Variants in CIB2 observed in about 807,000 individuals in gnomAD.
The protein encoded by CIB2 is calcium and integrin-binding family member 2.
In CIB2, 19 loss-of-function variants were observed where a neutral mutation model predicts 23.1. The observed-to-expected ratio is 0.82, with a 90% confidence interval of 0.57 to 1.21. CIB2 has a LOEUF of 1.21. CIB2 is among the 50% of genes most tolerant of loss of function. CIB2 has a pLI of 0.00. For synonymous variants in CIB2, 94 were observed against 91.7 expected, an observed-to-expected ratio of 1.03 and a Z score of -0.14; for missense variants, 220 against 241.5, an observed-to-expected ratio of 0.91 and a Z score of 0.59.
chr15:78,123,857 A>C, intron 1 of CIB2, 118 bp from the exon 2 acceptor site: 1 of 1,141,580 alleles, frequency 8.8e-7, no homozygotes, highest in Admixed American at 1.8e-5. Flanking sequence ...CAGAAGAGTC[A>C]CTACTATCCC....
rs552562074 is a variant in CIB2, at chr15:78,112,248, C to T, written c.87-972G>A. Among the ~76,000 whole-genome samples, 8 of 152,264 alleles carry T rather than the reference C, an allele frequency of 5.3e-5. No individual in the cohort carries two copies. The East Asian group carries it at 1.4e-3, about 26-fold the overall frequency. On this transcript the variant is annotated intron_variant, in intron 2 of 5. Transcript: ENST00000258930. ...TCATCCCAGAGAATAGCCCCCCATC[C>T]CAAGACAGGTACAAATTGTATTTAG...
intron 4 of CIB2, among the ~76,000 whole-genome samples, chr15:78,106,957 G>A (rs1257469058): frequency 3.9e-5 from 6 of 152,116 alleles, no homozygotes; most frequent in East Asian, 1.9e-4. Flanking sequence ...GGCCAGGCGC[G>A]GTGGTTCACG....
At chr15:78,109,808 A>AG (rs959009428) in intron 3 of CIB2, among the ~76,000 whole-genome samples, 4 of 47,796 alleles carry the variant, frequency 8.4e-5, no homozygotes. Flanking sequence ...CCATGTCTCC[A>AG]AAAAAAAAAA....
At position 78,114,333 on chromosome 15, in the gene CIB2, AAGG is replaced by A. The variant is rs199769079; in HGVS notation, c.87-3060_87-3058del. 1.3e-3 allele frequency among the ~76,000 whole-genome samples: 200 copies of A among 152,346 alleles called. 1 individual carries two copies. The highest frequency in any genetic ancestry group is 3.5e-3 in the East Asian group (18 of 5,190). On this transcript the variant is annotated intron_variant, in intron 2 of 5. Transcript: ENST00000258930. ...GGAATTTTTCTTTAAAGAAAAATCC[AAGG>A]AGAATTTGAAAACCCAAATCACTGT...
At chr15:78,128,614 C>T (rs2074412329) in intron 1 of CIB2, among the ~76,000 whole-genome samples, 2 of 151,212 alleles carry the variant, frequency 1.3e-5, no homozygotes, top group African/African-American at 4.9e-5. Context: ...GGAGGCGGAG[C>T]TGGGATGCGG....
chr15:78,105,357 A>G (rs2074050452), intron 5 of CIB2, 25 bp from the exon 6 acceptor site: 2 of 1,613,642 alleles, frequency 1.2e-6, no homozygotes, highest in Non-Finnish European at 1.7e-6. Context: ...AGGGCAAGAG[A>G]GGGTGAGAGG....
rs117153558 is a variant in CIB2 at position 78,105,819 on chromosome 15, C to T, written c.462G>A (p.Glu154=). Residue 154 remains glutamate (E), a synonymous_variant, in exon 5 of 6, where the codon GAG becomes GAA. Coordinates refer to ENST00000258930, the MANE Select transcript of CIB2 (RefSeq NM_006383.4). The part of the protein sequence containing the change: ...EVVLVCDKVI[E]EADLDGDGKL... Reference sequence around the variant, plus strand: ...TGCCGTCACCGTCCAAGTCAGCCTCCTCAATGACCTTGTCGCACACAAGCA... The same window carrying T: ...TGCCGTCACCGTCCAAGTCAGCCTCTTCAATGACCTTGTCGCACACAAGCA... 3.4e-3 allele frequency: 5,489 copies of T among 1,614,212 alleles called. 16 individuals carry two copies. The highest frequency in any genetic ancestry group is 4.1e-3 in the Non-Finnish European group (4,852 of 1,180,032).
chr15:78,112,461 T>G (rs2074175352), intron 2 of CIB2, among the ~76,000 whole-genome samples: 1 of 152,166 alleles, frequency 6.6e-6, no homozygotes, highest in East Asian at 1.9e-4. Flanking sequence ...CTTGGGAGGC[T>G]GAGGCTGGAG....
chr15:78,123,203 C>T (rs764653733), intron 2 of CIB2, among the ~76,000 whole-genome samples: 5 of 152,114 alleles, frequency 3.3e-5, no homozygotes, highest in Non-Finnish European at 5.9e-5. Context: ...AACTTTTAGA[C>T]GTCCTAGGAG....
chr15:78,110,813 C>T, intron 3 of CIB2: 1 of 467,048 alleles, frequency 2.1e-6, no homozygotes. Flanking sequence ...ATGCTGACCT[C>T]AGTGAGAAGC....
In CIB2 at chr15:78,122,764, G is replaced by A. The variant is rs534596643; in HGVS notation, c.86+941C>T. 7.9e-5 allele frequency among the ~76,000 whole-genome samples: 12 copies of A among 152,372 alleles called. 1 individual carries two copies. Among genetic ancestry groups the A allele is most frequent in the African/African-American group, 2.9e-4 (12 of 41,582 alleles). Reference sequence around the variant, plus strand: ...CCTTGCTCAGACTCTCTAAGGTGGTGGAAGTGGGGTATCCCCTGCCCATGC... The same window carrying A: ...CCTTGCTCAGACTCTCTAAGGTGGTAGAAGTGGGGTATCCCCTGCCCATGC... On this transcript the variant is annotated intron_variant, in intron 2 of 5. Coordinates refer to ENST00000258930, the MANE Select transcript of CIB2 (RefSeq NM_006383.4).
At chr15:78,105,603 G>T in intron 5 of CIB2, 136 bp downstream of exon 5, 1 of 1,538,568 alleles carries the variant, frequency 6.5e-7, no homozygotes, top group Non-Finnish European at 8.7e-7. Flanking sequence ...CTAGGGCAAG[G>T]GTGGCTTGAA....
chr15:78,125,327 G>C (rs2074367966), intron 1 of CIB2, among the ~76,000 whole-genome samples: 1 of 152,122 alleles, frequency 6.6e-6, no homozygotes, highest in Non-Finnish European at 1.5e-5. Flanking sequence ...CAGTGAGAAG[G>C]GCCAGGGCTC....
intron 1 of CIB2, among the ~76,000 whole-genome samples, chr15:78,125,135 A>C (rs1381059615): frequency 2.0e-5 from 3 of 152,304 alleles, no homozygotes; most frequent in Non-Finnish European, 2.9e-5. Flanking sequence ...AGAAAGGCTC[A>C]GGCTGGGGAA....
intron 2 of CIB2, among the ~76,000 whole-genome samples, chr15:78,118,713 A>G (rs2074276074): frequency 6.6e-6 from 1 of 152,168 alleles, no homozygotes; most frequent in South Asian, 2.1e-4. Flanking sequence ...TTTGATGGGT[A>G]CAGTTCAGTG....
intron 4 of CIB2, among the ~76,000 whole-genome samples, chr15:78,107,433 G>A (rs2074088506): frequency 6.6e-6 from 1 of 152,174 alleles, no homozygotes; most frequent in Admixed American, 6.5e-5. Context: ...GCAAATCTCT[G>A]GAAAGATTTG....
intron 2 of CIB2, among the ~76,000 whole-genome samples, chr15:78,121,586 T>C (rs2074319938): frequency 6.6e-6 from 1 of 152,192 alleles, no homozygotes; most frequent in African/African-American, 2.4e-5. Context: ...GTTCTCATGA[T>C]AGTGAGTTCT....
Position 78,123,826 on chromosome 15 carries a change from G to A in CIB2, c.52-87C>T, listed in dbSNP as rs2074350160. On this transcript the variant is annotated intron_variant, in intron 1 of 5. Coordinates refer to ENST00000258930, the MANE Select transcript of CIB2 (RefSeq NM_006383.4). Reference sequence around the variant, plus strand: ...GGCCTCGATGCCACAGGGCTCACAGGGGATAGCTCCGGACTGGGGACAGAA... The same window carrying A: ...GGCCTCGATGCCACAGGGCTCACAGAGGATAGCTCCGGACTGGGGACAGAA... 2.0e-6 allele frequency: 3 copies of A among 1,468,654 alleles called. No individual in the cohort carries two copies. In the Admixed American group the frequency reaches 5.0e-5, roughly 25 times the overall value. 91.0% of individuals were successfully genotyped at this position (1,468,654 alleles called of 1,614,324 possible).
intron 4 of CIB2, 37 bp downstream of exon 4, chr15:78,109,195 CCCA>C: frequency 7.7e-7 from 1 of 1,293,864 alleles, no homozygotes; most frequent in Non-Finnish European, 1.1e-6. Flanking sequence ...CACATGTTCC[CCCA>C]CCGCATATTC....
Sources: allele counts gnomAD v4.1 joint callset (sites outside exome capture counted in the v4.1 genomes callset), GRCh38; gene constraint gnomAD v4.1.1; transcripts MANE v1.5; gene names NCBI Gene and HGNC (gene_info 2026-07-23, HGNC 2026-07-21).